PACS1: variants seen among roughly 807,000 people sequenced by gnomAD.
PACS1 encodes the protein phosphofurin acidic cluster sorting protein 1.
A neutral mutation model predicts 115.0 loss-of-function variants in PACS1; 24 were observed. That is an observed-to-expected ratio of 0.21 (90% CI 0.15 to 0.29). PACS1 has a LOEUF of 0.29. Among genes scored for constraint, PACS1 ranks in the 10% least tolerant of loss-of-function variants. The pLI is 1.00. For missense variants in PACS1, 838 were observed against 1,251.2 expected, an observed-to-expected ratio of 0.67 and a Z score of 4.98; for synonymous variants, 453 against 504.5, an observed-to-expected ratio of 0.90 and a Z score of 1.37.
intron 1 of PACS1, among the ~76,000 whole-genome samples, chr11:66,079,862 C>G (rs1397883589): frequency 6.6e-6 from 1 of 152,196 alleles, no homozygotes; most frequent in Admixed American, 6.5e-5. Context: ...GCGTTCTCCC[C>G]TTGTTCCTGC....
At chr11:66,237,307 C>A (rs1855724778) in intron 19 of PACS1, among the ~76,000 whole-genome samples, 1 of 152,238 alleles carries the variant, frequency 6.6e-6, no homozygotes, top group Non-Finnish European at 1.5e-5. Context: ...GGAGATCCAC[C>A]TGCCTCAGCC....
chr11:66,221,136 C>G lies in PACS1; in HGVS notation c.1200-18C>G. 1 of 1,610,188 alleles carries G rather than the reference C, an allele frequency of 6.2e-7. No individual in the cohort carries two copies. On this transcript the variant is annotated intron_variant, in intron 9 of 23. Coordinates refer to ENST00000320580, the MANE Select transcript of PACS1 (RefSeq NM_018026.4). ...TGAGCCCTGGCAGCACTGACCCTGGCTGTGCTCTTCACCACAGGCCTTTCT... is the reference window on the plus strand; with the variant it reads ...TGAGCCCTGGCAGCACTGACCCTGGGTGTGCTCTTCACCACAGGCCTTTCT...
intron 1 of PACS1, among the ~76,000 whole-genome samples, chr11:66,177,487 G>A (rs537549637): frequency 2.0e-5 from 3 of 152,116 alleles, no homozygotes; most frequent in Admixed American, 6.6e-5. Flanking sequence ...CACTGCACCC[G>A]GCCAAAATAG....
intron 1 of PACS1, among the ~76,000 whole-genome samples, chr11:66,091,396 C>A (rs1857657079): frequency 6.6e-6 from 1 of 152,124 alleles, no homozygotes; most frequent in East Asian, 1.9e-4. Context: ...CCACCTCGGC[C>A]TCCCAAAGTG....
chr11:66,184,187 C>G (rs1860067098), intron 1 of PACS1, among the ~76,000 whole-genome samples: 1 of 151,836 alleles, frequency 6.6e-6, no homozygotes. Context: ...GTGGCATGCA[C>G]CTGTAATCCC....
chr11:66,223,386 G>A (rs1031148626), intron 10 of PACS1, among the ~76,000 whole-genome samples: 1 of 84,452 alleles, frequency 1.2e-5, no homozygotes, highest in Non-Finnish European at 2.4e-5. Flanking sequence ...GAGCCGCTGT[G>A]CCCGGCCTAT....
At chr11:66,104,043 A>G (rs1231780439) in intron 1 of PACS1, among the ~76,000 whole-genome samples, 2 of 152,106 alleles carry the variant, frequency 1.3e-5, no homozygotes, top group Non-Finnish European at 2.9e-5. Context: ...TTTAAAAAAT[A>G]CATAACCACA....
chr11:66,199,696 C>A (rs1463400920), intron 2 of PACS1, among the ~76,000 whole-genome samples: 1 of 152,072 alleles, frequency 6.6e-6, no homozygotes, highest in East Asian at 1.9e-4. Flanking sequence ...ATTCTGCAAT[C>A]AAAAGACGTG....
chr11:66,125,517 G>A (rs947709242), intron 1 of PACS1, among the ~76,000 whole-genome samples: 1 of 152,138 alleles, frequency 6.6e-6, no homozygotes, highest in Non-Finnish European at 1.5e-5. Context: ...TTTTGAAGAT[G>A]TTCTGGATTC....
chr11:66,195,010 G>C (rs1041344310), intron 2 of PACS1, among the ~76,000 whole-genome samples: 16 of 152,154 alleles, frequency 1.1e-4, no homozygotes. Context: ...GATCACTCAA[G>C]GTCAGGAGTT....
intron 1 of PACS1, among the ~76,000 whole-genome samples, chr11:66,096,484 T>G (rs1418976134): frequency 6.6e-6 from 1 of 151,928 alleles, no homozygotes; most frequent in Non-Finnish European, 1.5e-5. Flanking sequence ...TTAGCTTTTA[T>G]GAATAAAGTT....
chr11:66,082,206 TTTCTTTAG>T (rs1857492937), intron 1 of PACS1, among the ~76,000 whole-genome samples: 1 of 152,032 alleles, frequency 6.6e-6, no homozygotes, highest in African/African-American at 2.4e-5. Flanking sequence ...GCACAACTGC[TTTCTTTAG>T]TTTTTTGGTT....
chr11:66,134,303 C>T (rs1336295652), intron 1 of PACS1, among the ~76,000 whole-genome samples: 1 of 124,724 alleles, frequency 8.0e-6, no homozygotes, highest in Non-Finnish European at 1.6e-5. Context: ...GCTCTGTCCC[C>T]CAAGCTGGAG....
intron 1 of PACS1, chr11:66,100,837 GTTATGGCCT>G (rs1406942340): frequency 4.4e-6 from 2 of 456,120 alleles, no homozygotes; most frequent in Non-Finnish European, 8.8e-6. Flanking sequence ...TGGAACACCT[GTTATGGCCT>G]TTCCACGTGG....
At chr11:66,238,878 G>A in intron 20 of PACS1, 32 bp downstream of exon 20, 2 of 1,554,846 alleles carry the variant, frequency 1.3e-6, no homozygotes, top group Non-Finnish European at 1.7e-6. Context: ...TCTGTGGAGT[G>A]AGGCTGGTGC....
At chr11:66,178,351 G>A (rs548835319) in intron 1 of PACS1, among the ~76,000 whole-genome samples, 1 of 152,230 alleles carries the variant, frequency 6.6e-6, no homozygotes, top group African/African-American at 2.4e-5. Context: ...AACCGTACTG[G>A]ATGTGTTCTA....
At chr11:66,093,071 A>G (rs1322690004) in intron 1 of PACS1, among the ~76,000 whole-genome samples, 3 of 151,924 alleles carry the variant, frequency 2.0e-5, no homozygotes, top group African/African-American at 7.2e-5. Context: ...TGGTAGCTTG[A>G]TGGGGATGGC....
chr11:66,070,605 A>C lies in PACS1; in HGVS notation c.119A>C (p.Gln40Pro), dbSNP rs1308211570. Residue 40 changes from glutamine (Q) to proline (P), a missense_variant, in exon 1 of 24, where the codon CAG (glutamine) becomes CCG (proline). Physicochemically the swap from Gln to Pro is moderately conservative, Grantham distance 76. Coordinates refer to ENST00000320580, the MANE Select transcript of PACS1 (RefSeq NM_018026.4). The surrounding 1 kb of genome is among the most constrained non-coding windows in gnomAD (Gnocchi z 5.9). ...QQPPPQQQQQ[Q>P]PPQQPTPPKL... is the part of the protein sequence containing the mutation. ...CCGCCGCCGCAGCAGCAGCAGCAGC[A>C]GCCGCCGCAGCAGCCGACGCCCCCC... The C allele has an allele frequency of 1.2e-5, 18 of 1,519,228 alleles. No individual in the cohort carries two copies. The highest frequency in any genetic ancestry group is 5.4e-5 in the East Asian group (2 of 36,748). 94.1% of individuals were successfully genotyped at this position (1,519,228 alleles called of 1,614,324 possible). A position where few individuals can be genotyped will look rare whatever the true frequency, so the allele number is the denominator to read the frequency against.
At chr11:66,077,433 C>T (rs535998799) in intron 1 of PACS1, among the ~76,000 whole-genome samples, 2 of 151,980 alleles carry the variant, frequency 1.3e-5, no homozygotes, top group Admixed American at 6.6e-5. Flanking sequence ...TGGTGGCGTG[C>T]GCCTGTGGTC....
Sources: gnomAD v4.1 joint callset for allele counts (sites outside exome capture counted in the v4.1 genomes callset) on GRCh38, gnomAD v4.1.1 for gene constraint, Gnocchi (gnomAD v3.1) non-coding constraint, MANE v1.5 for transcripts, NCBI Gene and HGNC (gene_info 2026-07-23, HGNC 2026-07-21) for gene names.